Variants in RIPOR2 observed in about 807,000 individuals in gnomAD.
The protein encoded by RIPOR2 is RHO family interacting cell polarization regulator 2, also known as rho family-interacting cell polarization regulator 2.
RIPOR2 carries 39 observed loss-of-function variants against 114.5 expected under a neutral mutation model. That is an observed-to-expected ratio of 0.34 (90% CI 0.26 to 0.44). RIPOR2 has a LOEUF of 0.44. RIPOR2 is among the 20% of genes least tolerant of loss of function. RIPOR2 has a pLI of 1.00. For missense variants in RIPOR2, 1,007 were observed against 1,255.1 expected, an observed-to-expected ratio of 0.80 and a Z score of 2.99; for synonymous variants, 445 against 484.4, an observed-to-expected ratio of 0.92 and a Z score of 1.07.
In RIPOR2 at chr6:24,849,848, T is replaced by C. The variant is rs1762681357; in HGVS notation, c.988A>G (p.Ile330Val). The change falls in exon 11 of 22, where the codon ATC (isoleucine) becomes GTC (valine). Residue 330 changes from isoleucine to valine, a missense_variant. Coordinates refer to ENST00000643898, the MANE Select transcript of RIPOR2 (RefSeq NM_001286445.3). ...AGTTTGATGGTACCAAGGTCATTGA[T>C]GTCGACAGCCACTACCTGAGGTCGG... ...AARPQVVAVD[I>V]NDLGTIKLNL... The C allele has an allele frequency of 1.2e-6, 2 of 1,613,954 alleles. No individual in the cohort carries two copies. Among genetic ancestry groups the C allele is most frequent in the Non-Finnish European group, 8.5e-7 (1 of 1,179,850 alleles).
intron 1 of RIPOR2, among the ~76,000 whole-genome samples, chr6:24,968,056 G>T (rs1451295729): frequency 6.6e-6 from 1 of 151,838 alleles, no homozygotes; most frequent in African/African-American, 2.4e-5. Flanking sequence ...GGGATTACAG[G>T]CACGTGTCAC....
intron 15 of RIPOR2, among the ~76,000 whole-genome samples, chr6:24,833,698 A>G (rs956259005): frequency 6.6e-5 from 10 of 152,212 alleles, no homozygotes; most frequent in African/African-American, 2.2e-4. Flanking sequence ...GTAAGCTCAC[A>G]CATGAATCAA....
chr6:24,818,669 C>A, intron 19 of RIPOR2, 44 bp from the exon 20 acceptor site: 2 of 1,358,746 alleles, frequency 1.5e-6, no homozygotes, highest in South Asian at 2.7e-5. Flanking sequence ...TTGGTTTGTT[C>A]GTAGTTTAAG....
At chr6:24,977,297 G>A (rs9358812) in intron 1 of RIPOR2, among the ~76,000 whole-genome samples, 27,081 of 151,974 alleles carry the variant, frequency 0.18, 3,144 homozygotes, top group East Asian at 0.56. Context: ...TCATGGTAGG[G>A]TTACCAATGT....
intron 9 of RIPOR2, 29 bp from the exon 10 acceptor site, chr6:24,850,751 T>A (rs1403233373): frequency 1.2e-6 from 2 of 1,612,530 alleles, no homozygotes; most frequent in Non-Finnish European, 1.7e-6. Context: ...AGGGCCTTCA[T>A]GTCTTGCCAC....
At chr6:24,847,923 G>C (rs1435110235) in intron 12 of RIPOR2, 102 bp downstream of exon 12, 1 of 1,472,354 alleles carries the variant, frequency 6.8e-7, no homozygotes, top group Non-Finnish European at 9.3e-7. Flanking sequence ...ACCTCTGATA[G>C]AATTACTAAC....
intron 1 of RIPOR2, among the ~76,000 whole-genome samples, chr6:24,909,955 G>C (rs914775846): frequency 6.6e-5 from 10 of 152,126 alleles, no homozygotes; most frequent in African/African-American, 2.4e-4. Context: ...TTCTCACAGC[G>C]CCTCTGCCAC....
chr6:24,947,239 G>A (rs1772466405), intron 1 of RIPOR2, among the ~76,000 whole-genome samples: 1 of 152,090 alleles, frequency 6.6e-6, no homozygotes, highest in South Asian at 2.1e-4. Context: ...GCCCAGATAA[G>A]GCTGAAACAC....
intron 1 of RIPOR2, among the ~76,000 whole-genome samples, chr6:24,958,451 T>G (rs581980): frequency 0.79 from 120,710 of 152,024 alleles, 51,520 homozygotes; most frequent in East Asian, 0.96. Flanking sequence ...ACATTTCTAT[T>G]TCTTCAACAC....
At chr6:24,921,672 C>A (rs993018506) in intron 1 of RIPOR2, among the ~76,000 whole-genome samples, 1 of 148,396 alleles carries the variant, frequency 6.7e-6, no homozygotes, top group African/African-American at 2.5e-5. Flanking sequence ...CCCTGATGTA[C>A]TGTATTTTTA....
intron 1 of RIPOR2, among the ~76,000 whole-genome samples, chr6:24,975,220 A>G (rs1007384563): frequency 5.9e-5 from 9 of 152,224 alleles, no homozygotes; most frequent in Non-Finnish European, 1.0e-4. Flanking sequence ...TCACCAAACT[A>G]CTAACTTTTA....
intron 1 of RIPOR2, among the ~76,000 whole-genome samples, chr6:24,919,312 C>G (rs928430330): frequency 6.6e-6 from 1 of 152,166 alleles, no homozygotes; most frequent in Admixed American, 6.5e-5. Context: ...TTCACGCCAC[C>G]GAAGTGTAAT....
upstream of RIPOR2, among the ~76,000 whole-genome samples, chr6:24,940,265 T>C (rs1438240300): frequency 6.6e-6 from 1 of 152,158 alleles, no homozygotes; most frequent in Non-Finnish European, 1.5e-5. Flanking sequence ...ACCATACTAG[T>C]GGAAAAATTT....
intron 1 of RIPOR2, among the ~76,000 whole-genome samples, chr6:24,911,502 T>C (rs1561766512): frequency 6.6e-6 from 1 of 151,908 alleles, no homozygotes; most frequent in African/African-American, 2.4e-5. Context: ...GAGGGTGAGG[T>C]TGGCTGCCCA....
In RIPOR2 at chr6:25,031,722, T is replaced by G. The variant is rs1445821880; in HGVS notation, c.76+10129A>C. Among the ~76,000 whole-genome samples, 7 of 103,092 alleles carry G rather than the reference T, an allele frequency of 6.8e-5. 2 individuals carry two copies. The highest frequency in any genetic ancestry group is 3.2e-4 in the African/African-American group (7 of 22,148). 67.6% of individuals were successfully genotyped at this position (103,092 alleles called of 152,430 possible). On this transcript the variant is annotated intron_variant, in intron 1 of 13. Coordinates refer to the RIPOR2 transcript ENST00000510784. ...AGTTATATATATATATATATATATA[T>G]ATATATATATATATATATATATATA...
chr6:25,010,831 A>C (rs1227072174), intron 1 of RIPOR2, among the ~76,000 whole-genome samples: 1 of 152,224 alleles, frequency 6.6e-6, no homozygotes, highest in East Asian at 1.9e-4. Flanking sequence ...AAAATAAATA[A>C]GATGGACTTC....
rs1761922107 is a variant in RIPOR2 at position 24,843,313 on chromosome 6, A to C, written c.1406T>G (p.Leu469Arg). The C allele has an allele frequency of 1.2e-6, 2 of 1,613,936 alleles. No individual in the cohort carries two copies. The highest frequency in any genetic ancestry group is 2.2e-5 in the East Asian group (1 of 44,866). The change falls in exon 13 of 22, where the codon CTG (leucine) becomes CGG (arginine). Residue 469 changes from leucine (L) to arginine (R), a missense_variant. Leu to Arg is a moderately radical substitution (Grantham distance 102, BLOSUM62 -2). Coordinates refer to ENST00000643898, the MANE Select transcript of RIPOR2 (RefSeq NM_001286445.3). ...DTSSASSRNS[L>R]GEGQEPKSHL... ...TGACTTTGGCTCTTGGCCTTCTCCC[A>C]GGGAGTTCCTGGAAGATGCTGAGCT...
chr6:24,833,898 A>C, intron 15 of RIPOR2, among the ~76,000 whole-genome samples: 1 of 152,138 alleles, frequency 6.6e-6, no homozygotes, highest in East Asian at 1.9e-4. Flanking sequence ...TTGCGAGAAA[A>C]CAGTCACTCC....
intron 1 of RIPOR2, among the ~76,000 whole-genome samples, chr6:24,967,915 T>C (rs1197640466): frequency 6.0e-5 from 9 of 149,408 alleles, no homozygotes; most frequent in Admixed American, 6.6e-5. Flanking sequence ...CAATCTTTTT[T>C]TTTTTTTTTT....
Sources: allele counts gnomAD v4.1 joint callset (sites outside exome capture counted in the v4.1 genomes callset), GRCh38; gene constraint gnomAD v4.1.1; transcripts MANE v1.5; gene names NCBI Gene and HGNC (gene_info 2026-07-23, HGNC 2026-07-21).